Variants in AGBL4 observed in about 807,000 individuals in gnomAD.
The protein encoded by AGBL4 is cytosolic carboxypeptidase 6.
A neutral mutation model predicts 66.4 loss-of-function variants in AGBL4; 58 were observed. That is an observed-to-expected ratio of 0.87 (90% CI 0.71 to 1.09). The LOEUF (loss-of-function observed/expected upper bound fraction) is 1.09. Ranked by LOEUF, AGBL4 falls within the 50% of genes least tolerant of loss-of-function variation. The pLI is 0.00. For missense variants in AGBL4, 579 were observed against 631.0 expected, an observed-to-expected ratio of 0.92 and a Z score of 0.88; for synonymous variants, 234 against 222.9, an observed-to-expected ratio of 1.05 and a Z score of -0.44.
intron 3 of AGBL4, among the ~76,000 whole-genome samples, chr1:49,416,133 G>GT (rs966141466): frequency 2.6e-5 from 4 of 151,982 alleles, no homozygotes; most frequent in Non-Finnish European, 5.9e-5. Context: ...GTTTGCTGTT[G>GT]TTTTTTTCTT....
intron 2 of AGBL4, chr1:49,845,519 C>A (rs1483308776): frequency 6.3e-7 from 1 of 1,581,554 alleles, no homozygotes; most frequent in Non-Finnish European, 8.7e-7. Context: ...TGTGGCAAGG[C>A]CTTGATCCAT....
intron 3 of AGBL4, among the ~76,000 whole-genome samples, chr1:49,260,921 C>T (rs1223967457): frequency 1.3e-5 from 2 of 148,784 alleles, no homozygotes; most frequent in Non-Finnish European, 3.0e-5. Flanking sequence ...AAAATACTGG[C>T]AAACCGAATT....
At chr1:49,869,249 T>C (rs1402976369) in intron 1 of AGBL4, among the ~76,000 whole-genome samples, 2 of 152,162 alleles carry the variant, frequency 1.3e-5, no homozygotes, top group Non-Finnish European at 2.9e-5. Context: ...ACTGGGTATA[T>C]ACCCAAAGGA....
intron 4 of AGBL4, among the ~76,000 whole-genome samples, chr1:49,136,739 T>A (rs1479632546): frequency 6.6e-6 from 1 of 152,142 alleles, no homozygotes; most frequent in Non-Finnish European, 1.5e-5. Flanking sequence ...TTGTTTTTAA[T>A]GAAAAAACAT....
intron 4 of AGBL4, among the ~76,000 whole-genome samples, chr1:49,191,654 G>A (rs1016606795): frequency 5.9e-5 from 9 of 152,020 alleles, no homozygotes; most frequent in East Asian, 3.9e-4. Flanking sequence ...TGCTGTTCCC[G>A]TTTTTATGTT....
At chr1:49,813,671 A>T (rs539760799) in intron 2 of AGBL4, among the ~76,000 whole-genome samples, 1 of 152,300 alleles carries the variant, frequency 6.6e-6, no homozygotes, top group East Asian at 1.9e-4. Context: ...AAACAAACAC[A>T]ATCCTATTCT....
intron 3 of AGBL4, among the ~76,000 whole-genome samples, chr1:49,600,896 G>C (rs1243126256): frequency 1.3e-5 from 2 of 152,112 alleles, no homozygotes; most frequent in Admixed American, 6.5e-5. Flanking sequence ...TATGAAGTTA[G>C]TTTGGCTGGT....
chr1:48,665,469 G>GT (rs1450124277), intron 6 of AGBL4, among the ~76,000 whole-genome samples: 1 of 152,170 alleles, frequency 6.6e-6, no homozygotes, highest in Non-Finnish European at 1.5e-5. Context: ...CTCATATTAT[G>GT]TTTTTTAATC....
downstream of AGBL4, among the ~76,000 whole-genome samples, chr1:48,530,797 A>G (rs144239645): frequency 1.7e-3 from 258 of 152,188 alleles, 3 homozygotes; most frequent in Non-Finnish European, 2.2e-3. Flanking sequence ...TCTCACCCCT[A>G]CTTTTTGCAT....
chr1:48,921,923 G>A (rs1654116876), intron 5 of AGBL4, among the ~76,000 whole-genome samples: 1 of 152,036 alleles, frequency 6.6e-6, no homozygotes, highest in Non-Finnish European at 1.5e-5. Context: ...TCTTCTTTAT[G>A]GTGCATTGTA....
At chr1:49,044,315 T>C (rs952340525) in intron 5 of AGBL4, among the ~76,000 whole-genome samples, 1 of 152,010 alleles carries the variant, frequency 6.6e-6, no homozygotes, top group African/African-American at 2.4e-5. Context: ...CTGGCCAACA[T>C]GGTGAAACAC....
In AGBL4 at chr1:49,178,421, C is replaced by T. The variant is rs111519264; in HGVS notation, c.377+67349G>A. 2.6e-4 allele frequency among the ~76,000 whole-genome samples: 40 copies of T among 152,196 alleles called. No individual in the cohort carries two copies. The Middle Eastern group carries it at 0.01, about 39-fold the overall frequency. Reference sequence around the variant, plus strand: ...AATGATGTCATCCCAGCTCTGCATGCGGAATTCAAGTCTCCCTCTTAGGGT... The same window carrying T: ...AATGATGTCATCCCAGCTCTGCATGTGGAATTCAAGTCTCCCTCTTAGGGT... On this transcript the variant is annotated intron_variant, in intron 4 of 13. Transcript: ENST00000371839.
At chr1:49,607,958 G>A (rs905327167) in intron 3 of AGBL4, among the ~76,000 whole-genome samples, 4 of 152,138 alleles carry the variant, frequency 2.6e-5, no homozygotes, top group Non-Finnish European at 5.9e-5. Flanking sequence ...AATAATAGGG[G>A]AGAAGTGAGA....
chr1:49,023,225 G>A (rs1663381508), intron 5 of AGBL4, among the ~76,000 whole-genome samples: 1 of 152,120 alleles, frequency 6.6e-6, no homozygotes, highest in African/African-American at 2.4e-5. Flanking sequence ...CTTGAGGCCT[G>A]GAGGCCCCAT....
Position 49,788,516 on chromosome 1 carries a change from C to G in AGBL4, c.157+62880G>C, listed in dbSNP as rs1644516394. Among the ~76,000 whole-genome samples the G allele has an allele frequency of 4.1e-5, 6 of 147,706 alleles. No homozygotes were observed. The South Asian group carries it at 1.3e-3, about 32-fold the overall frequency. The stretch of plus-strand genomic sequence containing the variant: ...GCATATTATAAATATCTTCAAATAA[C>G]TAAAAAAATTTCAAAGAATAAAAGA... On this transcript the variant is annotated intron_variant, in intron 2 of 13. Transcript: ENST00000371839.
At chr1:49,649,239 A>G (rs74492509) in intron 3 of AGBL4, among the ~76,000 whole-genome samples, 4,210 of 152,264 alleles carry the variant, frequency 0.028, 167 homozygotes, top group African/African-American at 0.096. Flanking sequence ...CTTTAAATAT[A>G]AAGATACATA....
chr1:49,678,484 G>T lies in AGBL4; in HGVS notation c.282+18829C>A, dbSNP rs945780839. ...GTGATTACTCCGATTATTATTTCTT[G>T]CCCTCAGTTTGCATTGGGTTAATTT... is the stretch of plus-strand genomic sequence containing the variant. On this transcript the variant is annotated intron_variant, in intron 3 of 13. Coordinates refer to ENST00000371839, the MANE Select transcript of AGBL4 (RefSeq NM_032785.4). Among the ~76,000 whole-genome samples, 5 of 151,822 alleles carry T rather than the reference G, an allele frequency of 3.3e-5. No homozygotes were observed. The East Asian group carries it at 9.7e-4, about 29-fold the overall frequency.
intron 1 of AGBL4, among the ~76,000 whole-genome samples, chr1:50,011,537 A>T (rs1393368055): frequency 1.3e-5 from 2 of 152,246 alleles, no homozygotes; most frequent in Non-Finnish European, 2.9e-5. Flanking sequence ...CCGGGTATAT[A>T]ACCAAAAGAA....
chr1:49,801,969 C>A (rs576777812), intron 2 of AGBL4, among the ~76,000 whole-genome samples: 1 of 152,272 alleles, frequency 6.6e-6, no homozygotes, highest in Admixed American at 6.5e-5. Context: ...CATATCAGAG[C>A]ATTATCTTCT....
Sources: allele counts gnomAD v4.1 joint callset (sites outside exome capture counted in the v4.1 genomes callset), GRCh38; gene constraint gnomAD v4.1.1; transcripts MANE v1.5; gene names NCBI Gene and HGNC (gene_info 2026-07-23, HGNC 2026-07-21).